Variants in RPS6KA2 observed in about 807,000 individuals in gnomAD.
RPS6KA2 encodes the protein ribosomal protein S6 kinase alpha-2.
RPS6KA2 carries 42 observed loss-of-function variants against 91.8 expected under a neutral mutation model. The ratio of observed to expected loss-of-function variants is 0.46; its 90% CI spans 0.36 to 0.59. The LOEUF (loss-of-function observed/expected upper bound fraction) is 0.59, where lower values mean the gene tolerates loss of function less well. Ranked by LOEUF, RPS6KA2 falls within the 20% of genes least tolerant of loss-of-function variation. The probability of loss-of-function intolerance (pLI) is 0.00; values close to 1 mark genes in which losing one functional copy is unlikely to be tolerated. For synonymous variants in RPS6KA2, 414 were observed against 393.6 expected (o/e 1.05, Z -0.61); for missense variants, 798 against 978.5 (o/e 0.82, Z 2.46).
intron 2 of RPS6KA2, among the ~76,000 whole-genome samples, chr6:166,680,464 A>T (rs559409960): frequency 1.2e-4 from 19 of 152,186 alleles, no homozygotes; most frequent in Non-Finnish European, 2.2e-4. Context: ...ACGTTGTGGA[A>T]GGTTTGTTTT....
At position 166,430,577 on chromosome 6, in the gene RPS6KA2, A is replaced by G; in HGVS notation, c.1457T>C (p.Met486Thr). 6.2e-7 allele frequency: 1 copy of G among 1,613,902 alleles called. No individual in the cohort carries two copies. Residue 486 changes from methionine to threonine, a missense_variant, in exon 16 of 21, where the codon ATG (methionine) becomes ACG (threonine). Met to Thr is a moderately conservative substitution (Grantham distance 81). Transcript: ENST00000265678. ...GAGCTCCCCACCACGCATCAGCTCC[A>G]TTACCAGGTACACAAACTTGCCATC... ...YDDGKFVYLV[M>T]ELMRGGELLD...
At chr6:166,858,627 T>A (rs1041124509) in intron 1 of RPS6KA2, among the ~76,000 whole-genome samples, 3 of 152,228 alleles carry the variant, frequency 2.0e-5, no homozygotes, top group African/African-American at 4.8e-5. Context: ...ACGGAGCTGA[T>A]GTGGAAGCAC....
chr6:166,555,770 A>G (rs1395410059), intron 1 of RPS6KA2, among the ~76,000 whole-genome samples: 1 of 152,150 alleles, frequency 6.6e-6, no homozygotes, highest in Non-Finnish European at 1.5e-5. Context: ...GAACAAGAGC[A>G]TCCTTCTCCC....
intron 2 of RPS6KA2, among the ~76,000 whole-genome samples, chr6:166,840,984 A>T (rs995100047): frequency 2.6e-5 from 4 of 151,872 alleles, no homozygotes; most frequent in Non-Finnish European, 5.9e-5. Flanking sequence ...AAGAAAAAAG[A>T]AAAAAAGAAA....
chr6:166,668,061 G>T (rs752804815), intron 2 of RPS6KA2, among the ~76,000 whole-genome samples: 1 of 152,228 alleles, frequency 6.6e-6, no homozygotes, highest in Non-Finnish European at 1.5e-5. Context: ...AAAGCACTCA[G>T]TGTGCAGGGT....
intron 11 of RPS6KA2, among the ~76,000 whole-genome samples, chr6:166,468,812 C>T (rs1368903827): frequency 2.1e-5 from 3 of 143,196 alleles, no homozygotes; most frequent in South Asian, 2.2e-4. Flanking sequence ...TGCAGTGAGC[C>T]GAGATCGCGC....
chr6:166,468,353 C>G (rs952462959), intron 11 of RPS6KA2, among the ~76,000 whole-genome samples: 1 of 152,204 alleles, frequency 6.6e-6, no homozygotes, highest in Non-Finnish European at 1.5e-5. Flanking sequence ...TCTAATCTTA[C>G]GAAAGTTCTT....
At chr6:166,734,953 G>T (rs530640745) in intron 2 of RPS6KA2, among the ~76,000 whole-genome samples, 1 of 152,328 alleles carries the variant, frequency 6.6e-6, no homozygotes, top group Non-Finnish European at 1.5e-5. Context: ...ACATTATTCA[G>T]TCAGAAAGAA....
intron 1 of RPS6KA2, among the ~76,000 whole-genome samples, chr6:166,620,666 A>G (rs1163399580): frequency 6.6e-6 from 1 of 152,236 alleles, no homozygotes; most frequent in Non-Finnish European, 1.5e-5. Context: ...GTAGTGCAAG[A>G]ACCTTTACAG....
chr6:166,537,856 TA>T (rs1313772723), intron 2 of RPS6KA2, among the ~76,000 whole-genome samples: 1 of 152,250 alleles, frequency 6.6e-6, no homozygotes, highest in Non-Finnish European at 1.5e-5. Flanking sequence ...TCAGAGCCTA[TA>T]TATTTCTAAC....
At chr6:166,685,302 T>TGTGG (rs1788977834) in intron 2 of RPS6KA2, among the ~76,000 whole-genome samples, 2 of 149,734 alleles carry the variant, frequency 1.3e-5, no homozygotes, top group African/African-American at 2.5e-5. Context: ...GTGTGCAGGC[T>TGTGG]GGAAGGACAG....
At chr6:166,538,884 T>TA (rs1237245084) in intron 1 of RPS6KA2, 100 bp from the exon 2 acceptor site, 1 of 640,260 alleles carries the variant, frequency 1.6e-6, no homozygotes, top group African/African-American at 1.8e-5. Context: ...CTGGGTCTGT[T>TA]ACAGATTTTA....
intron 2 of RPS6KA2, among the ~76,000 whole-genome samples, chr6:166,778,329 A>G (rs1000307566): frequency 6.6e-6 from 1 of 152,268 alleles, no homozygotes; most frequent in African/African-American, 2.4e-5. Flanking sequence ...ATATATCAAT[A>G]CATTCAAGAT....
chr6:166,430,742 C>T, intron 15 of RPS6KA2, 131 bp from the exon 16 acceptor site: 1 of 871,204 alleles, frequency 1.1e-6, no homozygotes. Context: ...GGAGTGCAAA[C>T]AAGGCTTCTG....
intron 2 of RPS6KA2, among the ~76,000 whole-genome samples, chr6:166,818,901 C>T (rs1282358418): frequency 2.6e-5 from 4 of 152,020 alleles, no homozygotes; most frequent in South Asian, 2.1e-4. Flanking sequence ...TCTTGTATGT[C>T]GCCTGCTCCA....
At chr6:166,502,895 G>A (rs929434101) in intron 6 of RPS6KA2, among the ~76,000 whole-genome samples, 1 of 152,138 alleles carries the variant, frequency 6.6e-6, no homozygotes, top group African/African-American at 2.4e-5. Flanking sequence ...TTGATTCTAC[G>A]TTGAGCATCC....
chr6:166,508,998 T>C lies in RPS6KA2; in HGVS notation c.380-716A>G, dbSNP rs1782368194. ...GTGACGATGGTTGCTGCAGTGGCAC[T>C]GGTGAGGCACCGCGTGGCATCTTTT... On this transcript the variant is annotated intron_variant, in intron 4 of 20. Coordinates refer to ENST00000265678, the MANE Select transcript of RPS6KA2 (RefSeq NM_021135.6). The surrounding 1 kb of genome is among the most constrained non-coding windows in gnomAD (Gnocchi z 4.3). 6.6e-6 allele frequency among the ~76,000 whole-genome samples: 1 copy of C among 152,236 alleles called. No individual in the cohort carries two copies. Among genetic ancestry groups the C allele is most frequent in the Admixed American group, 6.5e-5 (1 of 15,290 alleles).
Position 166,603,994 on chromosome 6 carries a change from G to T in RPS6KA2, c.99+22927C>A. ...GTGTCCCTCCTAGAAGTCACGAAGA[G>T]AAAAGGGCGAGACTATGAAACAAAG... On this transcript the variant is annotated intron_variant, in intron 1 of 20. Transcript: ENST00000265678. The surrounding 1 kb of genome is among the most constrained non-coding windows in gnomAD (Gnocchi z 4.3). Among the ~76,000 whole-genome samples, 1 of 152,236 alleles carries T rather than the reference G, an allele frequency of 6.6e-6. No homozygotes were observed. Among genetic ancestry groups the T allele is most frequent in the East Asian group, 1.9e-4 (1 of 5,180 alleles).
intron 11 of RPS6KA2, 67 bp downstream of exon 11, chr6:166,469,774 C>A: frequency 7.2e-7 from 1 of 1,393,810 alleles, no homozygotes; most frequent in Non-Finnish European, 1.0e-6. Context: ...CTGCACCAAG[C>A]CGTATGTTCC....
Sources: gnomAD v4.1 joint callset for allele counts (sites outside exome capture counted in the v4.1 genomes callset) on GRCh38, gnomAD v4.1.1 for gene constraint, Gnocchi (gnomAD v3.1) non-coding constraint, MANE v1.5 for transcripts, NCBI Gene and HGNC (gene_info 2026-07-23, HGNC 2026-07-21) for gene names.